GBE1: variants seen among roughly 807,000 people sequenced by gnomAD.
GBE1 encodes 1,4-alpha-glucan-branching enzyme.
Under a neutral mutation model 88.8 loss-of-function variants are expected in GBE1, and 70 were observed. The observed-to-expected ratio is 0.79, with a 90% CI of 0.65 to 0.96. The LOEUF is 0.96. Among genes scored for constraint, GBE1 ranks in the 40% least tolerant of loss-of-function variants. The pLI is 0.00. For synonymous variants in GBE1, 284 were observed against 300.1 expected (o/e 0.95, Z 0.56); for missense variants, 872 against 871.0 (o/e 1.00, Z -0.01).
At chr3:81,586,215 A>G in intron 9 of GBE1, 25 bp from the exon 10 acceptor site, 2 of 1,406,482 alleles carry the variant, frequency 1.4e-6, no homozygotes, top group Non-Finnish European at 2.0e-6. Context: ...GTCGGTTCAT[A>G]ATGATCAAAC....
intron 14 of GBE1, among the ~76,000 whole-genome samples, chr3:81,520,041 T>C (rs953744099): frequency 1.3e-5 from 2 of 151,438 alleles, no homozygotes; most frequent in Non-Finnish European, 3.0e-5. Context: ...ACAGAAAGAA[T>C]ATGGGCTATG....
intron 14 of GBE1, among the ~76,000 whole-genome samples, chr3:81,516,358 G>T (rs1702799068): frequency 6.6e-6 from 1 of 151,508 alleles, no homozygotes; most frequent in Non-Finnish European, 1.5e-5. Flanking sequence ...CAGCATGTCT[G>T]TTTACAGCAT....
At chr3:81,689,700 T>A (rs1397000966) in intron 2 of GBE1, among the ~76,000 whole-genome samples, 1 of 152,086 alleles carries the variant, frequency 6.6e-6, no homozygotes, top group African/African-American at 2.4e-5. Context: ...TCTTCCAGCC[T>A]CTCTTGATCA....
At chr3:81,579,450 G>A (rs1451011386) in intron 11 of GBE1, among the ~76,000 whole-genome samples, 1 of 151,976 alleles carries the variant, frequency 6.6e-6, no homozygotes, top group Admixed American at 6.6e-5. Flanking sequence ...TTTCTTTACA[G>A]ATTAGGTAGA....
chr3:81,702,363 A>G (rs1376290000), intron 2 of GBE1, among the ~76,000 whole-genome samples: 1 of 152,016 alleles, frequency 6.6e-6, no homozygotes, highest in Non-Finnish European at 1.5e-5. Context: ...AAAGCCCATT[A>G]GTGAAAAAAA....
intron 12 of GBE1, among the ~76,000 whole-genome samples, chr3:81,553,549 C>T (rs1022831541): frequency 1.3e-5 from 2 of 149,624 alleles, no homozygotes; most frequent in East Asian, 3.9e-4. Flanking sequence ...TGTCTGCTTC[C>T]ATTAGTAGAC....
intron 12 of GBE1, among the ~76,000 whole-genome samples, chr3:81,540,477 C>G (rs1262050616): frequency 2.0e-5 from 3 of 151,998 alleles, no homozygotes; most frequent in Non-Finnish European, 4.4e-5. Context: ...TTTAATCTCT[C>G]TAGTGCTTGG....
chr3:81,674,633 A>T (rs1705229504), intron 2 of GBE1, among the ~76,000 whole-genome samples: 1 of 151,928 alleles, frequency 6.6e-6, no homozygotes, highest in African/African-American at 2.4e-5. Flanking sequence ...TGTCTTGTGA[A>T]ATAAGTCATG....
chr3:81,504,733 C>T (rs1021445013), intron 14 of GBE1, among the ~76,000 whole-genome samples: 1 of 152,124 alleles, frequency 6.6e-6, no homozygotes. Context: ...GATTAAAGAA[C>T]AGTGAAGGCA....
At chr3:81,535,607 G>T (rs1337310282) in intron 13 of GBE1, among the ~76,000 whole-genome samples, 1 of 151,858 alleles carries the variant, frequency 6.6e-6, no homozygotes, top group Non-Finnish European at 1.5e-5. Flanking sequence ...TAAAACCATG[G>T]TACCTATACA....
chr3:81,715,730 C>A (rs565083917), intron 1 of GBE1, among the ~76,000 whole-genome samples: 1 of 152,044 alleles, frequency 6.6e-6, no homozygotes, highest in Non-Finnish European at 1.5e-5. Context: ...AGAATTTCTG[C>A]TTCCTCATTT....
At chr3:81,676,635 TTTTC>T (rs1217035311) in intron 2 of GBE1, among the ~76,000 whole-genome samples, 3 of 152,116 alleles carry the variant, frequency 2.0e-5, no homozygotes, top group Non-Finnish European at 4.4e-5. Flanking sequence ...CCTTCTGTAT[TTTTC>T]TTTATTTTCT....
In GBE1 at chr3:81,642,646, G is replaced by A. The variant is rs950102228; in HGVS notation, c.992+135C>T. On this transcript the variant is annotated intron_variant, in intron 7 of 15. Transcript: ENST00000429644. ...TATACAAAACAAGGTAAAATCCCCT[G>A]TACAACAAAAATAAATCCAATTAAG... 8.4e-5 allele frequency: 54 copies of A among 643,528 alleles called. 1 individual carries two copies. The highest frequency in any genetic ancestry group is 7.2e-4 in the African/African-American group (39 of 54,222). The allele number at this position is 643,528 out of a possible 1,614,324, so 39.9% of individuals were successfully genotyped here. A position where few individuals can be genotyped will look rare whatever the true frequency, so the allele number is the denominator to read the frequency against.
intron 1 of GBE1, among the ~76,000 whole-genome samples, chr3:81,722,694 A>G (rs1706050036): frequency 6.6e-6 from 1 of 151,810 alleles, no homozygotes; most frequent in Admixed American, 6.6e-5. Flanking sequence ...CTGTAATAGT[A>G]GTCATAACTG....
chr3:81,582,885 T>A (rs1448900973), intron 10 of GBE1, among the ~76,000 whole-genome samples: 1 of 151,970 alleles, frequency 6.6e-6, no homozygotes, highest in Non-Finnish European at 1.5e-5. Context: ...ACTAGCTTCA[T>A]CAAAATTTTT....
intron 2 of GBE1, among the ~76,000 whole-genome samples, chr3:81,676,559 G>C (rs1406112199): frequency 6.6e-6 from 1 of 151,944 alleles, no homozygotes; most frequent in Non-Finnish European, 1.5e-5. Flanking sequence ...TATAAACATA[G>C]TATTTGAACA....
chr3:81,590,419 G>C (rs1703861674), intron 9 of GBE1, among the ~76,000 whole-genome samples: 1 of 151,996 alleles, frequency 6.6e-6, no homozygotes, highest in African/African-American at 2.4e-5. Context: ...ATCTAAATTA[G>C]CATAAGCATT....
intron 7 of GBE1, among the ~76,000 whole-genome samples, chr3:81,633,063 A>T (rs1704538932): frequency 6.6e-6 from 1 of 152,176 alleles, no homozygotes; most frequent in Non-Finnish European, 1.5e-5. Context: ...ACATCCTTTT[A>T]AAAATAGTGT....
At chr3:81,579,445 T>C (rs1703690702) in intron 11 of GBE1, among the ~76,000 whole-genome samples, 1 of 152,094 alleles carries the variant, frequency 6.6e-6, no homozygotes, top group South Asian at 2.1e-4. Context: ...ATCTTTTTCT[T>C]TACAGATTAG....
Sources: gnomAD v4.1 joint callset for allele counts (sites outside exome capture counted in the v4.1 genomes callset) on GRCh38, gnomAD v4.1.1 for gene constraint, MANE v1.5 for transcripts, NCBI Gene and HGNC (gene_info 2026-07-23, HGNC 2026-07-21) for gene names.